PRKN: variants seen among roughly 807,000 people sequenced by gnomAD.
The protein encoded by PRKN is parkin RBR E3 ubiquitin protein ligase.
Under a neutral mutation model 59.5 loss-of-function variants are expected in PRKN, and 56 were observed. The ratio of observed to expected loss-of-function variants is 0.94; its 90% confidence interval spans 0.76 to 1.18. The LOEUF (loss-of-function observed/expected upper bound fraction) is 1.18. Among genes scored for constraint, PRKN ranks in the 50% most tolerant of loss-of-function variants. PRKN has a pLI of 0.00. For synonymous variants in PRKN, 250 were observed against 222.1 expected, an observed-to-expected ratio of 1.13 and a Z score of -1.12; for missense variants, 657 against 596.4, an observed-to-expected ratio of 1.10 and a Z score of -1.06.
intron 6 of PRKN, among the ~76,000 whole-genome samples, chr6:161,823,394 C>T (rs1194572087): frequency 3.3e-5 from 5 of 152,066 alleles, no homozygotes; most frequent in Non-Finnish European, 7.3e-5. Flanking sequence ...AAAGGCAATG[C>T]GTGGGTGTGG....
intron 6 of PRKN, among the ~76,000 whole-genome samples, chr6:161,816,196 T>C (rs1192987567): frequency 6.6e-6 from 1 of 152,072 alleles, no homozygotes; most frequent in African/African-American, 2.4e-5. Flanking sequence ...CTGGGACATA[T>C]GCAGCAGCAT....
At chr6:161,939,526 G>C (rs1779479492) in intron 6 of PRKN, among the ~76,000 whole-genome samples, 1 of 151,370 alleles carries the variant, frequency 6.6e-6, no homozygotes. Context: ...AAGGTCGGGA[G>C]TTCAAGACCA....
chr6:162,060,075 C>A (rs1304646452), intron 4 of PRKN, among the ~76,000 whole-genome samples: 3 of 152,136 alleles, frequency 2.0e-5, no homozygotes, highest in African/African-American at 7.2e-5. Flanking sequence ...TACTGTCGGG[C>A]CCTTTATAGA....
intron 1 of PRKN, among the ~76,000 whole-genome samples, chr6:162,526,403 G>A (rs1386926124): frequency 6.6e-6 from 1 of 151,470 alleles, no homozygotes; most frequent in Admixed American, 6.6e-5. Flanking sequence ...TGTAATCCCA[G>A]CACTTTGGGA....
chr6:161,908,255 G>A (rs6899760), intron 6 of PRKN, among the ~76,000 whole-genome samples: 59,727 of 151,768 alleles, frequency 0.39, 12,164 homozygotes, highest in Middle Eastern at 0.53. Flanking sequence ...GCAGATTTCC[G>A]GTACATGGAC....
At chr6:162,590,340 G>C (rs1781251462) in intron 1 of PRKN, among the ~76,000 whole-genome samples, 1 of 152,134 alleles carries the variant, frequency 6.6e-6, no homozygotes, top group African/African-American at 2.4e-5. Context: ...GTATCTGAGA[G>C]AAAAATTTTA....
intron 1 of PRKN, among the ~76,000 whole-genome samples, chr6:162,472,929 A>G (rs1791830623): frequency 1.3e-5 from 2 of 151,618 alleles, no homozygotes; most frequent in Admixed American, 6.6e-5. Flanking sequence ...CCAGAAACCT[A>G]TAGTTGTGGT....
chr6:162,102,511 C>T (rs1362196991), intron 4 of PRKN, among the ~76,000 whole-genome samples: 1 of 152,118 alleles, frequency 6.6e-6, no homozygotes, highest in Non-Finnish European at 1.5e-5. Flanking sequence ...CTCATGAAAA[C>T]GGGGAAACTG....
At position 161,593,844 on chromosome 6, in the gene PRKN, T is replaced by C. The variant is rs1234430652; in HGVS notation, c.872-24428A>G. 2.0e-5 allele frequency among the ~76,000 whole-genome samples: 3 copies of C among 151,540 alleles called. No individual in the cohort carries two copies. Among genetic ancestry groups the C allele is most frequent in the Non-Finnish European group, 2.9e-5 (2 of 67,886 alleles). On this transcript the variant is annotated intron_variant, in intron 7 of 11. Transcript: ENST00000366898. The surrounding 1 kb of genome is among the most constrained non-coding windows in gnomAD (Gnocchi z 4.8). ...TCATGATGCTCAGGGGTCAAATAGGTGGAGGTGATAGAATTGACTGCTGGA... is the reference window on the plus strand; with the variant it reads ...TCATGATGCTCAGGGGTCAAATAGGCGGAGGTGATAGAATTGACTGCTGGA...
intron 1 of PRKN, among the ~76,000 whole-genome samples, chr6:162,647,399 A>C (rs1368753950): frequency 7.2e-5 from 11 of 152,100 alleles, no homozygotes; most frequent in Non-Finnish European, 1.0e-4. Flanking sequence ...AGACTTAACA[A>C]ATCTTAACAC....
rs960285141 is a variant in PRKN, at chr6:162,056,511, C to T, written c.535-2337G>A. 1.3e-5 allele frequency among the ~76,000 whole-genome samples: 2 copies of T among 152,298 alleles called. No homozygotes were observed. The highest frequency in any genetic ancestry group is 4.2e-4 in the South Asian group (2 of 4,818). ...CCCCAGACTTCAAAAGGAGCTGCAT[C>T]TGGGATCCACCGATCATTAATCCAA... On this transcript the variant is annotated intron_variant, in intron 4 of 11. Coordinates refer to ENST00000366898, the MANE Select transcript of PRKN (RefSeq NM_004562.3). The surrounding 1 kb of genome is among the most constrained non-coding windows in gnomAD (Gnocchi z 4.9).
At chr6:162,400,457 C>CAAAA (rs3081908) in intron 2 of PRKN, among the ~76,000 whole-genome samples, 15 of 98,656 alleles carry the variant, frequency 1.5e-4, no homozygotes, top group South Asian at 3.9e-4. Context: ...ATGTAAATAT[C>CAAAA]AAAAAAAAAA....
intron 4 of PRKN, among the ~76,000 whole-genome samples, chr6:162,108,869 G>A (rs1780300454): frequency 6.6e-6 from 1 of 152,224 alleles, no homozygotes; most frequent in African/African-American, 2.4e-5. Context: ...CACAACTGGG[G>A]CTTAGCTGAG....
chr6:162,171,707 T>C (rs946565288), intron 4 of PRKN, among the ~76,000 whole-genome samples: 1 of 152,130 alleles, frequency 6.6e-6, no homozygotes, highest in African/African-American at 2.4e-5. Flanking sequence ...TAACTGCCCC[T>C]GGCCCATGAC....
chr6:162,093,756 C>T (rs1177431391), intron 4 of PRKN, among the ~76,000 whole-genome samples: 4 of 152,110 alleles, frequency 2.6e-5, no homozygotes, highest in Admixed American at 6.6e-5. Context: ...TTTAAACCCC[C>T]CGTAACTCAT....
At chr6:162,290,612 A>C (rs1262371748) in intron 2 of PRKN, among the ~76,000 whole-genome samples, 4 of 152,182 alleles carry the variant, frequency 2.6e-5, no homozygotes, top group Non-Finnish European at 5.9e-5. Flanking sequence ...TAGTAATATT[A>C]TGACAATATT....
At chr6:162,317,740 G>C (rs1355410312) in intron 2 of PRKN, among the ~76,000 whole-genome samples, 2 of 151,880 alleles carry the variant, frequency 1.3e-5, no homozygotes, top group East Asian at 3.9e-4. Context: ...TTGAAAAGAA[G>C]GCAAAGGATG....
intron 1 of PRKN, among the ~76,000 whole-genome samples, chr6:162,484,637 A>G (rs73785517): frequency 0.08 from 12,248 of 152,250 alleles, 1,424 homozygotes; most frequent in African/African-American, 0.26. Context: ...GTAACAGTAC[A>G]TCGGAGTCCA....
intron 7 of PRKN, among the ~76,000 whole-genome samples, chr6:161,723,237 C>G (rs1015797865): frequency 1.3e-5 from 2 of 151,588 alleles, no homozygotes; most frequent in Non-Finnish European, 2.9e-5. Context: ...CCACTGCACT[C>G]CAGCCTGGGC....
Sources: allele counts gnomAD v4.1 joint callset (sites outside exome capture counted in the v4.1 genomes callset), GRCh38; gene constraint gnomAD v4.1.1; non-coding constraint Gnocchi (gnomAD v3.1); transcripts MANE v1.5; gene names NCBI Gene and HGNC (gene_info 2026-07-23, HGNC 2026-07-21).